FGGY: variants seen among roughly 807,000 people sequenced by gnomAD.
FGGY encodes FGGY carbohydrate kinase domain containing.
A neutral mutation model predicts 71.3 loss-of-function variants in FGGY; 72 were observed. The ratio of observed to expected loss-of-function variants is 1.01; its 90% CI spans 0.84 to 1.23. FGGY has a LOEUF of 1.23. FGGY is among the 50% of genes most tolerant of loss of function. The pLI is 0.00. For synonymous variants in FGGY, 251 were observed against 250.3 expected, an observed-to-expected ratio of 1.00 and a Z score of -0.02; for missense variants, 668 against 682.3, an observed-to-expected ratio of 0.98 and a Z score of 0.23.
rs554461671 is a variant in FGGY at position 59,639,738 on chromosome 1, T to C, written c.1221+1363T>C. 4.2e-4 allele frequency among the ~76,000 whole-genome samples: 64 copies of C among 152,350 alleles called. 1 individual carries two copies. In the South Asian group the frequency reaches 0.012, roughly 29 times the overall value. ...GACCCCAAAACAAAGCAGTGTTGCA[T>C]AGTAAAATGGTCATTGCTCTGGAGG... On this transcript the variant is annotated intron_variant, in intron 11 of 15. Coordinates refer to ENST00000303721, the MANE Select transcript of FGGY (RefSeq NM_018291.5).
At chr1:59,627,454 T>TTATATATATATATA (rs60500862) in intron 10 of FGGY, among the ~76,000 whole-genome samples, 122 of 97,276 alleles carry the variant, frequency 1.3e-3, no homozygotes, top group South Asian at 2.3e-3. Context: ...ACTTATGATT[T>TTATATATATATATA]TATATATATA....
At chr1:59,559,086 C>T (rs1381905666) in intron 8 of FGGY, among the ~76,000 whole-genome samples, 8 of 152,126 alleles carry the variant, frequency 5.3e-5, no homozygotes, top group Non-Finnish European at 8.8e-5. Context: ...ACATCTTTTA[C>T]AATCAATTTG....
chr1:59,472,476 G>A (rs942100298), intron 6 of FGGY, among the ~76,000 whole-genome samples: 23 of 152,350 alleles, frequency 1.5e-4, no homozygotes, highest in East Asian at 3.9e-4. Flanking sequence ...GCGGGCGCAC[G>A]GCGCGGGACT....
intron 5 of FGGY, among the ~76,000 whole-genome samples, chr1:59,418,146 T>A (rs1213759120): frequency 4.0e-5 from 6 of 151,024 alleles, no homozygotes; most frequent in Admixed American, 3.3e-4. Context: ...AGTGTATAAC[T>A]CCTAAAGATG....
At chr1:59,562,036 CACA>C (rs1423803074) in intron 8 of FGGY, among the ~76,000 whole-genome samples, 1 of 152,176 alleles carries the variant, frequency 6.6e-6, no homozygotes, top group African/African-American at 2.4e-5. Context: ...CTGTAGCTCT[CACA>C]CACCACTGGT....
chr1:59,716,059 A>G (rs956069717), intron 14 of FGGY, among the ~76,000 whole-genome samples: 4 of 152,202 alleles, frequency 2.6e-5, no homozygotes, highest in African/African-American at 9.6e-5. Flanking sequence ...ATCTCAACTT[A>G]AAGATGAAGG....
chr1:59,647,940 T>G (rs1268486318), intron 11 of FGGY, among the ~76,000 whole-genome samples: 2 of 92,622 alleles, frequency 2.2e-5, no homozygotes, highest in Non-Finnish European at 4.2e-5. Flanking sequence ...GATATTCCCC[T>G]TCCTGTGTCC....
intron 8 of FGGY, among the ~76,000 whole-genome samples, chr1:59,577,847 T>C (rs2096111088): frequency 6.6e-6 from 1 of 152,154 alleles, no homozygotes; most frequent in Non-Finnish European, 1.5e-5. Context: ...CTTCGTTGCC[T>C]GGAGAGTAAA....
chr1:59,548,339 T>C (rs1044174831), intron 7 of FGGY, among the ~76,000 whole-genome samples: 2 of 152,214 alleles, frequency 1.3e-5, no homozygotes, highest in Admixed American at 6.5e-5. Flanking sequence ...GGAACCCTGC[T>C]CATGCCAGGC....
chr1:59,395,624 A>G (rs867127659), intron 5 of FGGY, among the ~76,000 whole-genome samples: 33 of 152,198 alleles, frequency 2.2e-4, no homozygotes, highest in African/African-American at 5.5e-4. Flanking sequence ...CTTGTATTTT[A>G]TGCTTAACAG....
At chr1:59,430,772 C>T (rs757165900) in intron 5 of FGGY, among the ~76,000 whole-genome samples, 2 of 152,094 alleles carry the variant, frequency 1.3e-5, no homozygotes, top group Non-Finnish European at 2.9e-5. Flanking sequence ...GTCATGCCTT[C>T]CCATGATTTC....
At chr1:59,700,283 A>G (rs967334226) in intron 14 of FGGY, among the ~76,000 whole-genome samples, 10 of 152,194 alleles carry the variant, frequency 6.6e-5, no homozygotes, top group Non-Finnish European at 1.3e-4. Context: ...TCTATCTGTC[A>G]TATCTCTCTG....
At chr1:59,498,578 G>A (rs1204832172) in intron 6 of FGGY, among the ~76,000 whole-genome samples, 2 of 152,168 alleles carry the variant, frequency 1.3e-5, no homozygotes, top group East Asian at 1.9e-4. Flanking sequence ...AGGGAGGATG[G>A]CTGGGCTCCA....
chr1:59,730,998 G>A (rs1008572992), intron 14 of FGGY, among the ~76,000 whole-genome samples: 3 of 152,186 alleles, frequency 2.0e-5, no homozygotes, highest in Non-Finnish European at 2.9e-5. Context: ...TAAGTGACTC[G>A]ACAAAATGTC....
intron 14 of FGGY, among the ~76,000 whole-genome samples, chr1:59,745,555 C>A (rs562885316): frequency 6.6e-6 from 1 of 152,178 alleles, no homozygotes; most frequent in Non-Finnish European, 1.5e-5. Context: ...TCAGACCCTG[C>A]GGCCTTTCAT....
intron 6 of FGGY, among the ~76,000 whole-genome samples, chr1:59,491,819 A>G (rs962266715): frequency 2.6e-5 from 4 of 152,124 alleles, no homozygotes; most frequent in South Asian, 2.1e-4. Context: ...AGATATGAAT[A>G]TTTGAATTTG....
At chr1:59,672,159 C>G (rs1246131678) in intron 13 of FGGY, among the ~76,000 whole-genome samples, 2 of 152,254 alleles carry the variant, frequency 1.3e-5, no homozygotes, top group Admixed American at 6.5e-5. Flanking sequence ...GGTGTCAGCA[C>G]AGCCCTGTAG....
chr1:59,647,275 A>G (rs1194316760), intron 11 of FGGY, among the ~76,000 whole-genome samples: 1 of 152,222 alleles, frequency 6.6e-6, no homozygotes, highest in African/African-American at 2.4e-5. Flanking sequence ...GAAACAGTAT[A>G]TGAGCATATC....
At position 59,325,373 on chromosome 1, in the gene FGGY, A is replaced by G. The variant is rs537772437; in HGVS notation, c.201+3623A>G. 2.4e-3 allele frequency among the ~76,000 whole-genome samples: 366 copies of G among 152,120 alleles called. 2 individuals carry two copies. Among genetic ancestry groups the G allele is most frequent in the Non-Finnish European group, 3.6e-3 (246 of 67,998 alleles). ...CTCCGTGTCCAACAACAGCAACAACAACAACAACAACAAAAACAGTAAGCT... is the reference window on the plus strand; with the variant it reads ...CTCCGTGTCCAACAACAGCAACAACGACAACAACAACAAAAACAGTAAGCT... On this transcript the variant is annotated intron_variant, in intron 2 of 15. Coordinates refer to ENST00000303721, the MANE Select transcript of FGGY (RefSeq NM_018291.5).
Sources: gnomAD v4.1 joint callset for allele counts (sites outside exome capture counted in the v4.1 genomes callset) on GRCh38, gnomAD v4.1.1 for gene constraint, MANE v1.5 for transcripts, NCBI Gene and HGNC (gene_info 2026-07-23, HGNC 2026-07-21) for gene names.